LRRTM4: variants seen among roughly 807,000 people sequenced by gnomAD.
The protein encoded by LRRTM4 is leucine-rich repeat transmembrane neuronal protein 4.
LRRTM4 carries 25 observed loss-of-function variants against 47.6 expected under a neutral mutation model. The ratio of observed to expected loss-of-function variants is 0.53; its 90% CI spans 0.38 to 0.73. The LOEUF is 0.73. LRRTM4 is among the 30% of genes least tolerant of loss of function. The probability of loss-of-function intolerance (pLI) is 0.00; values close to 1 mark genes in which losing one functional copy is unlikely to be tolerated. For missense variants in LRRTM4, 638 were observed against 713.4 expected, an observed-to-expected ratio of 0.89 and a Z score of 1.20; for synonymous variants, 311 against 269.5, an observed-to-expected ratio of 1.15 and a Z score of -1.51.
At chr2:76,934,650 G>T (rs1011553492) in intron 3 of LRRTM4, among the ~76,000 whole-genome samples, 38 of 152,158 alleles carry the variant, frequency 2.5e-4, no homozygotes, top group African/African-American at 8.9e-4. Context: ...CCTGAACATG[G>T]AGCTGGGAAG....
At chr2:77,410,161 A>G (rs1042528834) in intron 3 of LRRTM4, among the ~76,000 whole-genome samples, 5 of 152,200 alleles carry the variant, frequency 3.3e-5, no homozygotes, top group African/African-American at 1.2e-4. Flanking sequence ...AGGCTTTTAA[A>G]TAAAATATAA....
At chr2:77,159,005 T>C (rs1573019984) in intron 3 of LRRTM4, among the ~76,000 whole-genome samples, 1 of 152,230 alleles carries the variant, frequency 6.6e-6, no homozygotes, top group Non-Finnish European at 1.5e-5. Context: ...TAGCTTAATA[T>C]TTTAACCACT....
chr2:77,207,754 C>T (rs1674178986), intron 3 of LRRTM4, among the ~76,000 whole-genome samples: 1 of 150,578 alleles, frequency 6.6e-6, no homozygotes, highest in Non-Finnish European at 1.5e-5. Flanking sequence ...TATGTTCCAT[C>T]ACTTATTTCA....
At chr2:76,780,003 T>G (rs556164156) in intron 3 of LRRTM4, among the ~76,000 whole-genome samples, 1 of 152,288 alleles carries the variant, frequency 6.6e-6, no homozygotes, top group Admixed American at 6.5e-5. Context: ...AAGTATTTTA[T>G]TTCTCCTTCA....
At chr2:77,156,369 T>C (rs1672560810) in intron 3 of LRRTM4, among the ~76,000 whole-genome samples, 1 of 149,712 alleles carries the variant, frequency 6.7e-6, no homozygotes, top group South Asian at 2.1e-4. Flanking sequence ...ACAGAATTTC[T>C]AGAAATAAAA....
Position 77,061,340 on chromosome 2 carries a change from C to G in LRRTM4, c.1552-312424G>C, listed in dbSNP as rs544393144. ...TCTAGGGTTTTAAGGCTGCTCTCAA[C>G]AGTTCCTTAATTTATTCTGTCTAGT... On this transcript the variant is annotated intron_variant, in intron 3 of 3. Coordinates refer to ENST00000409884, the MANE Select transcript of LRRTM4 (RefSeq NM_001134745.3). 1.8e-3 allele frequency among the ~76,000 whole-genome samples: 273 copies of G among 152,222 alleles called. 1 individual carries two copies. The highest frequency in any genetic ancestry group is 3.4e-3 in the Non-Finnish European group (233 of 68,026).
At chr2:77,292,518 T>C (rs934748768) in intron 3 of LRRTM4, among the ~76,000 whole-genome samples, 4 of 151,948 alleles carry the variant, frequency 2.6e-5, no homozygotes, top group African/African-American at 9.7e-5. Flanking sequence ...TATGCAGCCA[T>C]AAAAAATGAT....
chr2:76,756,106 G>A (rs1211433983), intron 3 of LRRTM4, among the ~76,000 whole-genome samples: 2 of 152,160 alleles, frequency 1.3e-5, no homozygotes, highest in African/African-American at 4.8e-5. Context: ...AGATCATTTT[G>A]ACCCAGTATG....
At chr2:77,340,763 C>A (rs1026296615) in intron 3 of LRRTM4, among the ~76,000 whole-genome samples, 3 of 151,876 alleles carry the variant, frequency 2.0e-5, no homozygotes, top group African/African-American at 7.2e-5. Context: ...TTTCAATATT[C>A]TTTTCAGGCA....
At chr2:76,895,141 C>A (rs975071275) in intron 3 of LRRTM4, among the ~76,000 whole-genome samples, 2 of 151,950 alleles carry the variant, frequency 1.3e-5, no homozygotes, top group Non-Finnish European at 2.9e-5. Flanking sequence ...ATTTTTGACA[C>A]TGCATTTGCA....
At chr2:77,321,557 G>GA (rs199553046) in intron 3 of LRRTM4, among the ~76,000 whole-genome samples, 2 of 111,222 alleles carry the variant, frequency 1.8e-5, no homozygotes, top group African/African-American at 8.3e-5. Flanking sequence ...CGGGGAGGGG[G>GA]GGGGGTGTGT....
intron 3 of LRRTM4, among the ~76,000 whole-genome samples, chr2:77,426,164 T>C (rs2103893247): frequency 6.6e-6 from 1 of 151,918 alleles, no homozygotes; most frequent in South Asian, 2.1e-4. Context: ...CTATTTCCCC[T>C]GTTCGATTAA....
intron 3 of LRRTM4, among the ~76,000 whole-genome samples, chr2:77,314,017 AAT>A (rs1677548229): frequency 6.6e-6 from 1 of 152,218 alleles, no homozygotes; most frequent in African/African-American, 2.4e-5. Context: ...GCTATCACCA[AAT>A]AGTTTGTAAT....
intron 3 of LRRTM4, among the ~76,000 whole-genome samples, chr2:77,222,315 A>T (rs1195994030): frequency 6.6e-6 from 1 of 152,204 alleles, no homozygotes; most frequent in African/African-American, 2.4e-5. Context: ...GCAAGAGCAA[A>T]CACATTCAAA....
chr2:76,786,564 C>A (rs1674684949), intron 3 of LRRTM4, among the ~76,000 whole-genome samples: 1 of 151,788 alleles, frequency 6.6e-6, no homozygotes, highest in Admixed American at 6.6e-5. Flanking sequence ...TTTCTGCTAC[C>A]TTTTACCTAC....
chr2:77,238,043 G>A (rs967789364), intron 3 of LRRTM4, among the ~76,000 whole-genome samples: 2 of 152,084 alleles, frequency 1.3e-5, no homozygotes, highest in African/African-American at 4.8e-5. Context: ...TAGCAGGTAT[G>A]TAGAATGAAC....
At chr2:76,793,919 A>G (rs900457187) in intron 3 of LRRTM4, among the ~76,000 whole-genome samples, 2 of 152,160 alleles carry the variant, frequency 1.3e-5, no homozygotes, top group African/African-American at 4.8e-5. Context: ...AATTGCTTCT[A>G]TGGGACACAG....
chr2:77,348,495 C>T (rs1295866138), intron 3 of LRRTM4, among the ~76,000 whole-genome samples: 4 of 149,896 alleles, frequency 2.7e-5, no homozygotes, highest in Non-Finnish European at 5.9e-5. Context: ...TTTATATATA[C>T]ACACATACAA....
chr2:77,044,608 T>C (rs1198395336), intron 3 of LRRTM4, among the ~76,000 whole-genome samples: 1 of 150,348 alleles, frequency 6.7e-6, no homozygotes, highest in Non-Finnish European at 1.5e-5. Flanking sequence ...TGAAAACTAG[T>C]TTATTTGATT....
Sources: allele counts gnomAD v4.1 joint callset (sites outside exome capture counted in the v4.1 genomes callset), GRCh38; gene constraint gnomAD v4.1.1; transcripts MANE v1.5; gene names NCBI Gene and HGNC (gene_info 2026-07-23, HGNC 2026-07-21).